Variants in HAPLN4 observed in about 807,000 individuals in gnomAD.
HAPLN4 encodes brain link protein 2.
A neutral mutation model predicts 28.0 loss-of-function variants in HAPLN4; 19 were observed. The ratio of observed to expected loss-of-function variants is 0.68; its 90% CI spans 0.47 to 1.00. The LOEUF (loss-of-function observed/expected upper bound fraction) is 1.00. Among genes scored for constraint, HAPLN4 ranks in the 50% least tolerant of loss-of-function variants. The pLI is 0.00. For synonymous variants in HAPLN4, 274 were observed against 273.0 expected, an observed-to-expected ratio of 1.00 and a Z score of -0.03; for missense variants, 587 against 602.6, an observed-to-expected ratio of 0.97 and a Z score of 0.27.
intron 1 of HAPLN4, 117 bp from the exon 2 acceptor site, chr19:19,261,680 C>A: frequency 1.6e-6 from 1 of 642,554 alleles, no homozygotes; most frequent in Non-Finnish European, 2.5e-6. Flanking sequence ...CCCATGTCCC[C>A]ACCCTTTCCG....
Position 19,260,955 on chromosome 19 carries a change from C to A in HAPLN4, c.342G>T (p.Gly114=). The A allele has an allele frequency of 6.2e-7, 1 of 1,613,826 alleles. No individual in the cohort carries two copies. Among genetic ancestry groups the A allele is most frequent in the Non-Finnish European group, 8.5e-7 (1 of 1,179,988 alleles). The change falls in exon 3 of 5, where the codon GGG becomes GGT. Residue 114 remains glycine (G), a synonymous_variant. Coordinates refer to ENST00000291481, the MANE Select transcript of HAPLN4 (RefSeq NM_023002.3). ...PQHRAFGSYR[G]RAELQGDGPG... is the part of the protein sequence containing the mutation. ...GCCCGTCGCCCTGCAGCTCAGCCCG[C>A]CCACGGTAGCTGCCGAATGCCCGGT...
chr19:19,261,924 A>G (rs2060985052), intron 1 of HAPLN4, among the ~76,000 whole-genome samples: 2 of 149,646 alleles, frequency 1.3e-5, no homozygotes, highest in African/African-American at 2.4e-5. Flanking sequence ...TCCGTGCGCC[A>G]GGAGACTGCA....
At chr19:19,259,645 T>G (rs978782328) in intron 3 of HAPLN4, among the ~76,000 whole-genome samples, 3 of 151,982 alleles carry the variant, frequency 2.0e-5, no homozygotes, top group Admixed American at 6.6e-5. Flanking sequence ...TCCCTTGGGG[T>G]TTTTAGGAAA....
rs1599832092 is a variant in HAPLN4, at chr19:19,258,220, A to G, written c.818-12T>C. 1 of 1,469,792 alleles carries G rather than the reference A, an allele frequency of 6.8e-7. No individual in the cohort carries two copies. The highest frequency in any genetic ancestry group is 2.5e-5 in the East Asian group (1 of 40,122). The allele number at this position is 1,469,792 out of a possible 1,614,324, so 91.0% of individuals were successfully genotyped here. ...GAAGAACACGCGCCCTGCGGGGGTG[A>G]GGTGGGGGGTGGGTTATTAGTGCGG... On this transcript the variant is annotated splice_polypyrimidine_tract_variant and intron_variant, in intron 4 of 4. Transcript: ENST00000291481. This position sits in a 1 kb window ranked among gnomAD's most constrained non-coding sequence, Gnocchi z 6.2.
In HAPLN4 at chr19:19,255,231, C is replaced by T. The variant is rs1022323889; in HGVS notation, c.*2586G>A. The T allele has an allele frequency of 6.6e-6, 1 of 152,106 alleles. No individual in the cohort carries two copies. The highest frequency in any genetic ancestry group is 1.5e-5 in the Non-Finnish European group (1 of 68,066). 9.4% of individuals were successfully genotyped at this position (152,106 alleles called of 1,614,324 possible). A position where few individuals can be genotyped will look rare whatever the true frequency, so the allele number is the denominator to read the frequency against. ...GGGGAGGTGGGGGAGGAATGAAGGACCCCACTTCCAAAGAGAATAAAAATC... is the reference window on the plus strand; with the variant it reads ...GGGGAGGTGGGGGAGGAATGAAGGATCCCACTTCCAAAGAGAATAAAAATC... On this transcript the variant is annotated 3_prime_UTR_variant, in exon 5 of 5. Coordinates refer to ENST00000291481, the MANE Select transcript of HAPLN4 (RefSeq NM_023002.3).
chr19:19,257,601 C>T lies in HAPLN4; in HGVS notation c.*216G>A. ...TGGGGAGTTGGGGGAATCCTCTATC[C>T]AGAAGAGGTGAGGGCTGGCCAGGCT... On this transcript the variant is annotated 3_prime_UTR_variant, in exon 5 of 5. Coordinates refer to ENST00000291481, the MANE Select transcript of HAPLN4 (RefSeq NM_023002.3). 1 of 458,160 alleles carries T rather than the reference C, an allele frequency of 2.2e-6. No individual in the cohort carries two copies. The highest frequency in any genetic ancestry group is 9.6e-5 in the South Asian group (1 of 10,370). The allele number at this position is 458,160 out of a possible 1,614,324, so 28.4% of individuals were successfully genotyped here.
Position 19,260,863 on chromosome 19 carries a change from ACTTC to A in HAPLN4, c.430_433del (p.Glu144SerfsTer32). 6.2e-7 allele frequency: 1 copy of A among 1,613,952 alleles called. No individual in the cohort carries two copies. The highest frequency in any genetic ancestry group is 8.5e-7 in the Non-Finnish European group (1 of 1,179,934). On this transcript the variant is annotated frameshift_variant, in exon 3 of 5. Coordinates refer to ENST00000291481, the MANE Select transcript of HAPLN4 (RefSeq NM_023002.3). LOFTEE classifies it high-confidence loss of function. ...AGCGTCATCTTCCAGCTCATTGGTG[ACTTC>A]GCACTCATAGCGCCCGTAGTCTTGC... is the stretch of plus-strand genomic sequence containing the variant.
At chr19:19,260,783 C>T in intron 3 of HAPLN4, 30 bp downstream of exon 3, 1 of 1,588,486 alleles carries the variant, frequency 6.3e-7, no homozygotes, top group Non-Finnish European at 8.6e-7. Flanking sequence ...TCCTCAGAAG[C>T]AAGGTTTATC....
chr19:19,260,461 C>T (rs1337898497), intron 3 of HAPLN4, among the ~76,000 whole-genome samples: 1 of 152,174 alleles, frequency 6.6e-6, no homozygotes, highest in African/African-American at 2.4e-5. Flanking sequence ...AGGTGATCCG[C>T]CTGCCTCAAC....
intron 1 of HAPLN4, 140 bp from the exon 2 acceptor site, chr19:19,261,703 A>C: frequency 1.8e-6 from 1 of 560,126 alleles, no homozygotes; most frequent in Non-Finnish European, 3.0e-6. Context: ...GTCCTGGAGA[A>C]CTCCCCCTCC....
At chr19:19,261,326 T>A in intron 2 of HAPLN4, 120 bp downstream of exon 2, 2 of 1,239,098 alleles carry the variant, frequency 1.6e-6, no homozygotes. Context: ...GGCGAGGGGC[T>A]CAGATGGGGA....
Position 19,262,712 on chromosome 19 carries a change from G to A in HAPLN4, c.3+18C>T. 2 of 1,612,186 alleles carry A rather than the reference G, an allele frequency of 1.2e-6. No homozygotes were observed. Among genetic ancestry groups the A allele is most frequent in the South Asian group, 2.2e-5 (2 of 90,888 alleles). On this transcript the variant is annotated intron_variant, in intron 1 of 4. Transcript: ENST00000291481. ...GGGAGACGGGGCACACACCACCCGC[G>A]CCCGCAGCCCCACTTACCATCTTGC...
At position 19,256,358 on chromosome 19, in the gene HAPLN4, C is replaced by A. The variant is rs560731560; in HGVS notation, c.*1459G>T. ...GTCTGGGGAAGGGGCAGCCATCAGG[C>A]CCCTGATGGGGTGCAGTAGGGTAGC... On this transcript the variant is annotated 3_prime_UTR_variant, in exon 5 of 5. Coordinates refer to ENST00000291481, the MANE Select transcript of HAPLN4 (RefSeq NM_023002.3). 401 of 152,616 alleles carry A rather than the reference C, an allele frequency of 2.6e-3. 2 individuals are homozygous for A. Among genetic ancestry groups the A allele is most frequent in the Non-Finnish European group, 4.6e-3 (311 of 68,024 alleles). The allele number at this position is 152,616 out of a possible 1,614,324, so 9.5% of individuals were successfully genotyped here.
chr19:19,260,680 C>A, intron 3 of HAPLN4, 133 bp downstream of exon 3: 4 of 1,077,498 alleles, frequency 3.7e-6, no homozygotes, highest in South Asian at 1.5e-5. Flanking sequence ...TCACCCAGAA[C>A]CAGATATGGG....
chr19:19,258,132 C>A lies in HAPLN4; in HGVS notation c.894G>T (p.Ala298=). ...GAARACAARG[A]AVAKVGQLFA... The stretch of plus-strand genomic sequence containing the variant: ...ACAGCTGCCCCACCTTGGCCACGGC[C>A]GCGCCACGCGCAGCACACGCGCGCG... The change falls in exon 5 of 5, where the codon GCG becomes GCT. Residue 298 remains alanine, a synonymous_variant. Transcript: ENST00000291481. This position sits in a 1 kb window ranked among gnomAD's most constrained non-coding sequence, Gnocchi z 6.2. The A allele has an allele frequency of 6.5e-7, 1 of 1,550,196 alleles. No homozygotes were observed. The highest frequency in any genetic ancestry group is 2.4e-5 in the East Asian group (1 of 42,396).
At position 19,259,464 on chromosome 19, in the gene HAPLN4, C is replaced by T. The variant is rs118027096; in HGVS notation, c.485-609G>A. The stretch of plus-strand genomic sequence containing the variant: ...ATTTTGTGTGTCTGTGTTTGAGGGA[C>T]GCGGGTTGGGGGTGAGTGGGGTACC... On this transcript the variant is annotated intron_variant, in intron 3 of 4. Coordinates refer to ENST00000291481, the MANE Select transcript of HAPLN4 (RefSeq NM_023002.3). Among the ~76,000 whole-genome samples the T allele has an allele frequency of 3.4e-4, 52 of 152,166 alleles. No individual in the cohort carries two copies. In the East Asian group the frequency reaches 9.5e-3, roughly 28 times the overall value.
In HAPLN4 at chr19:19,256,623, G is replaced by A. The variant is rs1207243800; in HGVS notation, c.*1194C>T. 1 of 152,644 alleles carries A rather than the reference G, an allele frequency of 6.6e-6. No homozygotes were observed. The highest frequency in any genetic ancestry group is 1.5e-5 in the Non-Finnish European group (1 of 68,130). 9.5% of individuals were successfully genotyped at this position (152,644 alleles called of 1,614,324 possible). A position where few individuals can be genotyped will look rare whatever the true frequency, so the allele number is the denominator to read the frequency against. On this transcript the variant is annotated 3_prime_UTR_variant, in exon 5 of 5. Transcript: ENST00000291481. ...GCCTGGGGGTGGAGCATGGAGGGTG[G>A]TCTGGAACTGGAGTGGGCCTGGGGA...
chr19:19,261,621 C>A, intron 1 of HAPLN4, 58 bp from the exon 2 acceptor site: 1 of 1,172,008 alleles, frequency 8.5e-7, no homozygotes, highest in Non-Finnish European at 1.1e-6. Flanking sequence ...TTTCGGAGGC[C>A]TGGCTCCCTC....
chr19:19,257,647 G>T lies in HAPLN4; in HGVS notation c.*170C>A. Reference sequence around the variant, plus strand: ...AGGCTCCAGGGAACTCCAAAGTACTGTTCTGCCAGGACTAGCCAGTCTTCA... The same window carrying T: ...AGGCTCCAGGGAACTCCAAAGTACTTTTCTGCCAGGACTAGCCAGTCTTCA... On this transcript the variant is annotated 3_prime_UTR_variant, in exon 5 of 5. Transcript: ENST00000291481. The T allele has an allele frequency of 1.4e-6, 1 of 735,860 alleles. No homozygotes were observed. Among genetic ancestry groups the T allele is most frequent in the Non-Finnish European group, 1.9e-6 (1 of 524,650 alleles). The allele number at this position is 735,860 out of a possible 1,614,324, so 45.6% of individuals were successfully genotyped here.
Sources: gnomAD v4.1 joint callset for allele counts (sites outside exome capture counted in the v4.1 genomes callset) on GRCh38, gnomAD v4.1.1 for gene constraint, Gnocchi (gnomAD v3.1) non-coding constraint, MANE v1.5 for transcripts, NCBI Gene and HGNC (gene_info 2026-07-23, HGNC 2026-07-21) for gene names.